The following KCNQ5 variants were observed in gnomAD, a reference collection of about 807,000 sequenced individuals.
KCNQ5 encodes the protein potassium voltage-gated channel subfamily KQT member 5.
A neutral mutation model predicts 98.2 loss-of-function variants in KCNQ5; 30 were observed. The observed-to-expected ratio is 0.31, with a 90% CI of 0.23 to 0.41. The LOEUF (loss-of-function observed/expected upper bound fraction) is 0.41, where lower values mean the gene tolerates loss of function less well. Among genes scored for constraint, KCNQ5 ranks in the 10% least tolerant of loss-of-function variants. The pLI is 1.00. For missense variants in KCNQ5, 835 were observed against 1,182.5 expected, an observed-to-expected ratio of 0.71 and a Z score of 4.31; for synonymous variants, 458 against 449.4, an observed-to-expected ratio of 1.02 and a Z score of -0.24.
chr6:72,756,197 T>C (rs1771960683), intron 1 of KCNQ5, among the ~76,000 whole-genome samples: 1 of 152,230 alleles, frequency 6.6e-6, no homozygotes, highest in Admixed American at 6.5e-5. Flanking sequence ...ATACTTTGTA[T>C]GTCCCTCTTG....
intron 1 of KCNQ5, among the ~76,000 whole-genome samples, chr6:72,805,722 T>C (rs1386757829): frequency 6.6e-6 from 1 of 152,178 alleles, no homozygotes; most frequent in East Asian, 1.9e-4. Flanking sequence ...ATTAGTATTT[T>C]GATAGGGATT....
intron 1 of KCNQ5, among the ~76,000 whole-genome samples, chr6:72,982,097 A>C (rs1216863659): frequency 6.6e-6 from 1 of 152,186 alleles, no homozygotes; most frequent in Non-Finnish European, 1.5e-5. Flanking sequence ...TTTTGGAATA[A>C]GTGTGATGTG....
chr6:72,891,821 T>G (rs1410787594), intron 1 of KCNQ5, among the ~76,000 whole-genome samples: 1 of 152,134 alleles, frequency 6.6e-6, no homozygotes, highest in East Asian at 1.9e-4. Context: ...TATCATCCAT[T>G]CTCTATTTAC....
At chr6:72,632,832 T>C (rs1220887313) in intron 1 of KCNQ5, among the ~76,000 whole-genome samples, 4 of 146,320 alleles carry the variant, frequency 2.7e-5, no homozygotes, top group South Asian at 2.2e-4. Flanking sequence ...CAAACCACCA[T>C]TGATGGGCAC....
intron 3 of KCNQ5, among the ~76,000 whole-genome samples, chr6:73,054,090 C>T (rs1772356942): frequency 1.3e-5 from 2 of 152,020 alleles, no homozygotes; most frequent in Non-Finnish European, 2.9e-5. Context: ...ACTAGAAAAC[C>T]TAGAAGAAAT....
intron 1 of KCNQ5, among the ~76,000 whole-genome samples, chr6:72,871,098 A>G (rs895694686): frequency 1.3e-5 from 2 of 152,158 alleles, no homozygotes; most frequent in Non-Finnish European, 2.9e-5. Context: ...AGCATCCTCT[A>G]TGCCCCAGTC....
chr6:72,968,402 G>A (rs1935513), intron 1 of KCNQ5, among the ~76,000 whole-genome samples: 99,251 of 151,704 alleles, frequency 0.65, 36,050 homozygotes, highest in Non-Finnish European at 0.81. Context: ...TGATCTAGAC[G>A]GGTGAAGAAA....
At chr6:72,736,779 G>A (rs1016998984) in intron 1 of KCNQ5, among the ~76,000 whole-genome samples, 7 of 151,850 alleles carry the variant, frequency 4.6e-5, no homozygotes, top group African/African-American at 1.5e-4. Context: ...GATTACAGGC[G>A]TGAGCCACCG....
chr6:72,801,662 T>C (rs1410761335), intron 1 of KCNQ5, among the ~76,000 whole-genome samples: 1 of 142,938 alleles, frequency 7.0e-6, no homozygotes, highest in East Asian at 2.0e-4. Context: ...AATTTGATCC[T>C]GTCATTATGA....
Position 72,985,288 on chromosome 6 carries a change from G to A in KCNQ5, c.399-18620G>A, listed in dbSNP as rs187728424. Among the ~76,000 whole-genome samples, 322 of 152,264 alleles carry A rather than the reference G, an allele frequency of 2.1e-3. 1 individual carries two copies. The highest frequency in any genetic ancestry group is 3.9e-3 in the Non-Finnish European group (268 of 68,000). On this transcript the variant is annotated intron_variant, in intron 1 of 13. Coordinates refer to ENST00000370398, the MANE Select transcript of KCNQ5 (RefSeq NM_019842.4). ...ACCCAGAAATTCTCCAAAGAACTCAGATTTTTTACTCTGTGTTTTTAAATA... is the reference window on the plus strand; with the variant it reads ...ACCCAGAAATTCTCCAAAGAACTCAAATTTTTTACTCTGTGTTTTTAAATA...
chr6:73,048,050 C>T (rs1045716119), intron 3 of KCNQ5, among the ~76,000 whole-genome samples: 3 of 152,156 alleles, frequency 2.0e-5, no homozygotes, highest in Non-Finnish European at 4.4e-5. Context: ...TGTATGGCAC[C>T]AAATGGGCAA....
At chr6:73,051,705 C>CAAAAAAAAAAAAAAAAAAAAAAAAAAAA (rs201199934) in intron 3 of KCNQ5, among the ~76,000 whole-genome samples, 1 of 97,178 alleles carries the variant, frequency 1.0e-5, no homozygotes, top group African/African-American at 4.1e-5. Flanking sequence ...AAGATAGAGG[C>CAAAAAAAAAAAAAAAAAAAAAAAAAAAA]AAAAAAAAAA....
chr6:72,970,917 A>G (rs1371653069), intron 1 of KCNQ5, among the ~76,000 whole-genome samples: 1 of 152,204 alleles, frequency 6.6e-6, no homozygotes, highest in African/African-American at 2.4e-5. Flanking sequence ...CCTAGGCAAT[A>G]CCATTCAGGG....
At chr6:73,186,521 A>T (rs1261054224) in intron 11 of KCNQ5, among the ~76,000 whole-genome samples, 1 of 152,224 alleles carries the variant, frequency 6.6e-6, no homozygotes, top group East Asian at 1.9e-4. Context: ...TCTGTAGTGT[A>T]AATACTCCTG....
At chr6:72,982,233 T>G (rs1768497140) in intron 1 of KCNQ5, among the ~76,000 whole-genome samples, 1 of 152,202 alleles carries the variant, frequency 6.6e-6, no homozygotes, top group African/African-American at 2.4e-5. Flanking sequence ...TCTCGTTATC[T>G]GTCTAATATT....
chr6:72,694,303 CTGGGCAGGAAGACT>C, intron 1 of KCNQ5, among the ~76,000 whole-genome samples: 1 of 152,296 alleles, frequency 6.6e-6, no homozygotes, highest in South Asian at 2.1e-4. Context: ...CCCCCTGTGG[CTGGGCAGGAAGACT>C]TGGTCTGCAG....
rs1484952493 is a variant in KCNQ5, at chr6:72,966,779, AT to A, written c.399-37126del. ...TGAGATAGGGCCAAATGCTTCGAGA[AT>A]TTACTCCATACAGACTGTGTTCAGG... On this transcript the variant is annotated intron_variant, in intron 1 of 13. Transcript: ENST00000370398. 2.0e-5 allele frequency among the ~76,000 whole-genome samples: 3 copies of A among 152,226 alleles called. No individual in the cohort carries two copies. The East Asian group carries it at 5.8e-4, about 29-fold the overall frequency.
At chr6:72,956,329 T>C (rs979683528) in intron 1 of KCNQ5, among the ~76,000 whole-genome samples, 8 of 152,134 alleles carry the variant, frequency 5.3e-5, no homozygotes, top group African/African-American at 1.9e-4. Flanking sequence ...CTCAAAAAAA[T>C]TGACTTCAGT....
At position 72,691,065 on chromosome 6, in the gene KCNQ5, A is replaced by G. The variant is rs377753226; in HGVS notation, c.398+68478A>G. ...GAGCAAACTGGCTTTTCTTCTTAGCATAGGTTTTTGGAAACTTGAACTCAA... is the reference window on the plus strand; with the variant it reads ...GAGCAAACTGGCTTTTCTTCTTAGCGTAGGTTTTTGGAAACTTGAACTCAA... On this transcript the variant is annotated intron_variant, in intron 1 of 13. Transcript: ENST00000370398. Among the ~76,000 whole-genome samples the G allele has an allele frequency of 3.3e-5, 5 of 152,324 alleles. No homozygotes were observed. The East Asian group carries it at 5.8e-4, about 18-fold the overall frequency.
Sources: gnomAD v4.1 joint callset for allele counts (sites outside exome capture counted in the v4.1 genomes callset) on GRCh38, gnomAD v4.1.1 for gene constraint, MANE v1.5 for transcripts, NCBI Gene and HGNC (gene_info 2026-07-23, HGNC 2026-07-21) for gene names.